The following EEFSEC variants were observed in gnomAD, a reference collection of about 807,000 sequenced individuals.
The protein encoded by EEFSEC is eukaryotic elongation factor, selenocysteine-tRNA specific.
Under a neutral mutation model 42.1 loss-of-function variants are expected in EEFSEC, and 43 were observed. The ratio of observed to expected loss-of-function variants is 1.02; its 90% CI spans 0.80 to 1.32. The LOEUF is 1.32. Among genes scored for constraint, EEFSEC ranks in the 40% most tolerant of loss-of-function variants. The pLI is 0.00. For synonymous variants in EEFSEC, 354 were observed against 339.1 expected (o/e 1.04, Z -0.48); for missense variants, 745 against 803.6 (o/e 0.93, Z 0.88).
chr3:128,311,786 G>A (rs1218621508), intron 4 of EEFSEC, among the ~76,000 whole-genome samples: 1 of 152,166 alleles, frequency 6.6e-6, no homozygotes, highest in South Asian at 2.1e-4. Flanking sequence ...TGCAAGGGAC[G>A]CCCTTTCCAG....
At chr3:128,424,614 T>A in the EEFSEC span, among the ~76,000 whole-genome samples, 3 of 152,230 alleles carry the variant, frequency 2.0e-5, no homozygotes, top group South Asian at 4.2e-4. Flanking sequence ...TGAACTCCTG[T>A]CCTCAAGTGA....
chr3:128,403,599 C>T (rs1445334897), intron 6 of EEFSEC, among the ~76,000 whole-genome samples: 3 of 152,224 alleles, frequency 2.0e-5, no homozygotes, highest in African/African-American at 7.2e-5. Flanking sequence ...CACAGGGCAC[C>T]GTGTGGACAT....
chr3:128,263,753 G>A (rs936435480), intron 3 of EEFSEC, among the ~76,000 whole-genome samples: 1 of 152,154 alleles, frequency 6.6e-6, no homozygotes, highest in African/African-American at 2.4e-5. Context: ...AGGAATCCTA[G>A]TCTTTGTTTT....
intron 6 of EEFSEC, among the ~76,000 whole-genome samples, chr3:128,390,360 A>G (rs1178465493): frequency 6.6e-6 from 1 of 152,250 alleles, no homozygotes; most frequent in East Asian, 1.9e-4. Flanking sequence ...GAACAAGCAC[A>G]GCCAGGCTCA....
chr3:128,389,237 CA>C, intron 6 of EEFSEC, among the ~76,000 whole-genome samples: 1 of 152,364 alleles, frequency 6.6e-6, no homozygotes, highest in East Asian at 1.9e-4. Context: ...CACCCGAGGA[CA>C]TCACAGCCCT....
chr3:128,166,669 GCTT>G (rs1189572519), intron 1 of EEFSEC, among the ~76,000 whole-genome samples: 1 of 151,924 alleles, frequency 6.6e-6, no homozygotes, highest in East Asian at 1.9e-4. Context: ...CACCCTCTCA[GCTT>G]CTTCACCTTC....
intron 1 of EEFSEC, among the ~76,000 whole-genome samples, chr3:128,188,159 G>A (rs2065483589): frequency 6.6e-6 from 1 of 152,154 alleles, no homozygotes; most frequent in South Asian, 2.1e-4. Context: ...GGGTGATGAG[G>A]GAGGGATGGA....
intron 2 of EEFSEC, among the ~76,000 whole-genome samples, chr3:128,249,903 A>G (rs1407254046): frequency 6.6e-6 from 1 of 152,140 alleles, no homozygotes; most frequent in South Asian, 2.1e-4. Context: ...ATGTATAGCT[A>G]TTTATTCAAT....
intron 1 of EEFSEC, 142 bp from the exon 2 acceptor site, chr3:128,246,694 G>T: frequency 2.3e-6 from 2 of 863,524 alleles, no homozygotes; most frequent in South Asian, 1.6e-5. Flanking sequence ...CTAGCACAGG[G>T]CCTGTAGCCA....
chr3:128,245,612 A>G (rs963840294), intron 1 of EEFSEC, among the ~76,000 whole-genome samples: 1 of 152,172 alleles, frequency 6.6e-6, no homozygotes, highest in Non-Finnish European at 1.5e-5. Flanking sequence ...GTCACAGGAC[A>G]GGGGTGACCA....
At chr3:128,202,478 A>G (rs1216119843) in intron 1 of EEFSEC, among the ~76,000 whole-genome samples, 2 of 152,210 alleles carry the variant, frequency 1.3e-5, no homozygotes, top group African/African-American at 2.4e-5. Context: ...TAATTAGTTT[A>G]TGTATATTCA....
intron 4 of EEFSEC, among the ~76,000 whole-genome samples, chr3:128,266,524 G>A (rs2066355510): frequency 6.6e-6 from 1 of 151,958 alleles, no homozygotes; most frequent in South Asian, 2.1e-4. Flanking sequence ...TTCTGCAGGG[G>A]CCAGGGGTAT....
At chr3:128,300,196 A>G (rs948541223) in intron 4 of EEFSEC, among the ~76,000 whole-genome samples, 4 of 152,184 alleles carry the variant, frequency 2.6e-5, no homozygotes, top group African/African-American at 7.2e-5. Context: ...TTGTCCCAGA[A>G]TTTCCCCCAT....
At chr3:128,353,487 G>A (rs545924431) in intron 5 of EEFSEC, among the ~76,000 whole-genome samples, 1 of 152,202 alleles carries the variant, frequency 6.6e-6, no homozygotes, top group Non-Finnish European at 1.5e-5. Flanking sequence ...ATAACCTGGT[G>A]GGGGCTGGGG....
At chr3:128,213,669 G>A (rs1256408576) in intron 1 of EEFSEC, among the ~76,000 whole-genome samples, 4 of 152,026 alleles carry the variant, frequency 2.6e-5, no homozygotes, top group East Asian at 1.9e-4. Flanking sequence ...GCCGGGCCAC[G>A]TGAGGGAAGA....
chr3:128,342,719 C>T (rs1458072600), intron 5 of EEFSEC, among the ~76,000 whole-genome samples: 1 of 152,214 alleles, frequency 6.6e-6, no homozygotes, highest in Non-Finnish European at 1.5e-5. Context: ...CCTCCCTCGG[C>T]TGGTCCTGTG....
chr3:128,386,907 C>T (rs1390203458), intron 6 of EEFSEC, among the ~76,000 whole-genome samples: 2 of 152,260 alleles, frequency 1.3e-5, no homozygotes, highest in African/African-American at 4.8e-5. Flanking sequence ...CCACCTCCAA[C>T]ACTGGGGGTC....
intron 4 of EEFSEC, among the ~76,000 whole-genome samples, chr3:128,270,331 C>T (rs2066400721): frequency 6.6e-6 from 1 of 152,176 alleles, no homozygotes; most frequent in Non-Finnish European, 1.5e-5. Flanking sequence ...TATTGAAATG[C>T]AAATATGCTT....
Position 128,264,758 on chromosome 3 carries a change from A to G in EEFSEC, c.763A>G (p.Ser255Gly). The G allele has an allele frequency of 6.2e-7, 1 of 1,614,008 alleles. No individual in the cohort carries two copies. Among genetic ancestry groups the G allele is most frequent in the Non-Finnish European group, 8.5e-7 (1 of 1,179,934 alleles). Residue 255 changes from serine (S) to glycine (G), a missense_variant, in exon 4 of 7, where the codon AGT becomes GGT. Ser to Gly is a moderately conservative substitution (Grantham distance 56). Transcript: ENST00000254730. Reference protein sequence around the residue: ...ILSGSISLGDSVEIPALKVVK... With the variant: ...ILSGSISLGDGVEIPALKVVK... ...TTCAGGCTCCATCAGCCTCGGTGAC[A>G]GTGTGGAGATCCCTGCCCTCAAGGT...
Sources: gnomAD v4.1 joint callset for allele counts (sites outside exome capture counted in the v4.1 genomes callset) on GRCh38, gnomAD v4.1.1 for gene constraint, MANE v1.5 for transcripts, NCBI Gene and HGNC (gene_info 2026-07-23, HGNC 2026-07-21) for gene names.